The following CYP39A1 variants were observed in gnomAD, a reference collection of about 807,000 sequenced individuals.
The protein encoded by CYP39A1 is 24-hydroxycholesterol 7-alpha-hydroxylase.
CYP39A1 carries 49 observed loss-of-function variants against 58.1 expected under a neutral mutation model. The ratio of observed to expected loss-of-function variants is 0.84; its 90% CI spans 0.67 to 1.07. The LOEUF (loss-of-function observed/expected upper bound fraction) is 1.07, where lower values mean the gene tolerates loss of function less well. Ranked by LOEUF, CYP39A1 falls within the 50% of genes least tolerant of loss-of-function variation. The pLI, the probability that CYP39A1 is intolerant of heterozygous loss-of-function variation, is 0.00. For synonymous variants in CYP39A1, 209 were observed against 187.6 expected (o/e 1.11, Z -0.93); for missense variants, 531 against 539.4 (o/e 0.98, Z 0.16).
intron 1 of CYP39A1, 64 bp downstream of exon 1, chr6:46,652,342 G>T: frequency 6.7e-7 from 1 of 1,489,462 alleles, no homozygotes; most frequent in Non-Finnish European, 9.0e-7. Context: ...AAGAGTCAAT[G>T]AAAGAAAGTT....
intron 2 of CYP39A1, among the ~76,000 whole-genome samples, chr6:46,640,007 G>C (rs1776234034): frequency 1.3e-5 from 2 of 152,174 alleles, no homozygotes; most frequent in Non-Finnish European, 2.9e-5. Flanking sequence ...AGCTACTGGG[G>C]AGGCTGAGGC....
chr6:46,652,496 G>A lies in CYP39A1; in HGVS notation c.87C>T (p.Pro29=), dbSNP rs753163784. The A allele has an allele frequency of 1.4e-5, 22 of 1,613,802 alleles. No individual in the cohort carries two copies. The highest frequency in any genetic ancestry group is 1.7e-5 in the Admixed American group (1 of 59,974). ...LLLQRKNLRR[P]PCIKGWIPWI... ...AAGGAATCCAGCCCTTGATGCACGG[G>A]GGTCTACGCAAATTCTTCCGCTGAA... Residue 29 remains proline (P), a synonymous_variant, in exon 1 of 12, where the codon CCC becomes CCT. Coordinates refer to ENST00000275016, the MANE Select transcript of CYP39A1 (RefSeq NM_016593.5).
At chr6:46,554,444 T>C (rs1052931660) in intron 10 of CYP39A1, among the ~76,000 whole-genome samples, 11 of 152,198 alleles carry the variant, frequency 7.2e-5, no homozygotes, top group African/African-American at 2.7e-4. Context: ...AAATCCACTT[T>C]TCCTTTTGCA....
intron 7 of CYP39A1, among the ~76,000 whole-genome samples, chr6:46,601,353 C>A (rs12208873): frequency 0.058 from 8,845 of 152,218 alleles, 385 homozygotes; most frequent in Non-Finnish European, 0.085. Flanking sequence ...TCCTCTACAA[C>A]CCCTTTGTAA....
intron 10 of CYP39A1, among the ~76,000 whole-genome samples, chr6:46,576,538 G>T (rs1242037465): frequency 6.6e-6 from 1 of 152,178 alleles, no homozygotes; most frequent in Non-Finnish European, 1.5e-5. Flanking sequence ...TCAGAATCTG[G>T]ATGGCAAGGA....
chr6:46,583,188 C>G (rs1772246294), intron 10 of CYP39A1: 1 of 985,380 alleles, frequency 1.0e-6, no homozygotes, highest in Non-Finnish European at 1.2e-6. Context: ...TTATTACACT[C>G]TCTTCTTATC....
intron 11 of CYP39A1, among the ~76,000 whole-genome samples, chr6:46,551,503 A>G (rs936764934): frequency 6.6e-6 from 1 of 152,216 alleles, no homozygotes; most frequent in Admixed American, 6.5e-5. Flanking sequence ...TGCTAGCATC[A>G]GGACACTGCT....
At chr6:46,636,046 A>C (rs144159299) in intron 5 of CYP39A1, among the ~76,000 whole-genome samples, 2 of 152,234 alleles carry the variant, frequency 1.3e-5, no homozygotes, top group African/African-American at 4.8e-5. Context: ...CATCAACAAC[A>C]AAGCCTATTT....
chr6:46,563,354 G>A (rs967955754), intron 10 of CYP39A1, among the ~76,000 whole-genome samples: 1 of 152,028 alleles, frequency 6.6e-6, no homozygotes, highest in Admixed American at 6.5e-5. Flanking sequence ...AAAATAATGA[G>A]GCACATTGTT....
intron 10 of CYP39A1, among the ~76,000 whole-genome samples, chr6:46,574,780 C>T (rs1420456532): frequency 1.3e-5 from 2 of 151,852 alleles, no homozygotes; most frequent in Non-Finnish European, 2.9e-5. Flanking sequence ...AATTTTTGCT[C>T]AGAAATAAAC....
At chr6:46,568,460 C>G (rs1362199690) in intron 10 of CYP39A1, among the ~76,000 whole-genome samples, 1 of 151,982 alleles carries the variant, frequency 6.6e-6, no homozygotes, top group Non-Finnish European at 1.5e-5. Flanking sequence ...GTGTCATATC[C>G]AAAAATTAAT....
At chr6:46,554,843 C>G (rs1198533938) in intron 10 of CYP39A1, among the ~76,000 whole-genome samples, 4 of 152,062 alleles carry the variant, frequency 2.6e-5, no homozygotes, top group Non-Finnish European at 4.4e-5. Context: ...GCTCTTAATT[C>G]TCCTCCTTAA....
At chr6:46,565,969 T>C (rs781394225) in intron 10 of CYP39A1, among the ~76,000 whole-genome samples, 1 of 152,204 alleles carries the variant, frequency 6.6e-6, no homozygotes, top group Non-Finnish European at 1.5e-5. Flanking sequence ...GCCAGTGCCA[T>C]GGTATTGGCC....
At chr6:46,646,262 A>G (rs1762318289) in intron 1 of CYP39A1, among the ~76,000 whole-genome samples, 2 of 152,044 alleles carry the variant, frequency 1.3e-5, no homozygotes, top group African/African-American at 4.8e-5. Flanking sequence ...GGATTTTTGT[A>G]GATGTCCTTT....
chr6:46,565,426 C>A (rs557414117), intron 10 of CYP39A1, among the ~76,000 whole-genome samples: 25 of 147,552 alleles, frequency 1.7e-4, no homozygotes, highest in African/African-American at 6.2e-4. Context: ...AAAAAAAGAA[C>A]AAAATGGGAA....
intron 7 of CYP39A1, among the ~76,000 whole-genome samples, chr6:46,610,583 C>A (rs1455216529): frequency 6.6e-6 from 1 of 152,060 alleles, no homozygotes; most frequent in Non-Finnish European, 1.5e-5. Flanking sequence ...GGTCTCAAGC[C>A]ATCCTCCCAT....
Position 46,588,053 on chromosome 6 carries a change from T to C in CYP39A1, c.1142A>G (p.Glu381Gly), listed in dbSNP as rs745824650. The C allele has an allele frequency of 1.3e-6, 2 of 1,582,226 alleles. No homozygotes were observed. The change falls in exon 9 of 12, where the codon GAG becomes GGG. Residue 381 changes from glutamate (E) to glycine (G), a missense_variant. By Grantham distance (98) the Glu-to-Gly change is moderately conservative. Transcript: ENST00000275016. Reference sequence around the variant, plus strand: ...ACTTACAGGTTTGAACAATTCAGGCTCAGGAAAATACTTTGGATTTCTATG... The same window carrying C: ...ACTTACAGGTTTGAACAATTCAGGCCCAGGAAAATACTTTGGATTTCTATG... ...WLHRNPKYFP[E>G]PELFKPERWK...
intron 6 of CYP39A1, among the ~76,000 whole-genome samples, chr6:46,629,936 G>T (rs934953407): frequency 6.6e-6 from 1 of 151,476 alleles, no homozygotes; most frequent in Admixed American, 6.6e-5. Flanking sequence ...GATTTTAAAA[G>T]AAACAGTTTT....
chr6:46,550,480 AGTCCACAG>A, intron 11 of CYP39A1, 43 bp from the exon 12 acceptor site: 1 of 1,559,306 alleles, frequency 6.4e-7, no homozygotes, highest in African/African-American at 1.4e-5. Flanking sequence ...AAGAGACATA[AGTCCACAG>A]TTTCAGACCT....
Sources: allele counts gnomAD v4.1 joint callset (sites outside exome capture counted in the v4.1 genomes callset), GRCh38; gene constraint gnomAD v4.1.1; transcripts MANE v1.5; gene names NCBI Gene and HGNC (gene_info 2026-07-23, HGNC 2026-07-21).